Variants in FOXP2 observed in about 807,000 individuals in gnomAD.
FOXP2 encodes the protein forkhead box P2.
FOXP2 carries 12 observed loss-of-function variants against 115.8 expected under a neutral mutation model. The observed-to-expected ratio is 0.10, with a 90% CI of 0.07 to 0.17. FOXP2 has a LOEUF of 0.17. Ranked by LOEUF, FOXP2 falls within the 10% of genes least tolerant of loss-of-function variation. The probability of loss-of-function intolerance (pLI) is 1.00; values close to 1 mark genes in which losing one functional copy is unlikely to be tolerated. For missense variants in FOXP2, 629 were observed against 843.5 expected, an observed-to-expected ratio of 0.75 and a Z score of 3.15; for synonymous variants, 328 against 297.7, an observed-to-expected ratio of 1.10 and a Z score of -1.05.
At chr7:114,301,603 C>T (rs73716390) in intron 2 of FOXP2, among the ~76,000 whole-genome samples, 5,453 of 152,150 alleles carry the variant, frequency 0.036, 274 homozygotes, top group African/African-American at 0.12. Context: ...GTGTTTATCT[C>T]TCTGAAGTTC....
At chr7:114,398,752 A>G (rs114678349) in intron 2 of FOXP2, among the ~76,000 whole-genome samples, 2,016 of 152,330 alleles carry the variant, frequency 0.013, 26 homozygotes, top group African/African-American at 0.033. Context: ...TCCAGGAGTA[A>G]TAGTGTAGGA....
chr7:114,593,439 G>A (rs552614363), intron 3 of FOXP2, among the ~76,000 whole-genome samples: 30 of 151,874 alleles, frequency 2.0e-4, no homozygotes, highest in Admixed American at 6.6e-4. Flanking sequence ...CTATGTGTGG[G>A]CATTTTCATT....
intron 2 of FOXP2, among the ~76,000 whole-genome samples, chr7:114,357,689 CCTAAGGAA>C (rs955515721): frequency 2.0e-5 from 3 of 152,110 alleles, no homozygotes; most frequent in Admixed American, 2.0e-4. Context: ...TGTATGGTAT[CCTAAGGAA>C]TTAGTTGTCA....
intron 2 of FOXP2, among the ~76,000 whole-genome samples, chr7:114,394,351 A>G (rs990701250): frequency 2.6e-5 from 4 of 152,028 alleles, no homozygotes; most frequent in Non-Finnish European, 4.4e-5. Flanking sequence ...ATTATAAAGT[A>G]AATAATTATA....
At position 114,654,007 on chromosome 7, in the gene FOXP2, C is replaced by A. The variant is rs751931499; in HGVS notation, c.1264C>A (p.Pro422Thr). 5 of 1,613,192 alleles carry A rather than the reference C, an allele frequency of 3.1e-6. No individual in the cohort carries two copies. The highest frequency in any genetic ancestry group is 4.2e-6 in the Non-Finnish European group (5 of 1,179,418). Residue 422 changes from proline to threonine, a missense_variant and splice_region_variant, in exon 10 of 17, where the codon CCT becomes ACT. This residue lies in a region of FOXP2 where 101 missense variants were observed against 116.0 expected (regional missense o/e 0.87). Coordinates refer to ENST00000350908, the MANE Select transcript of FOXP2 (RefSeq NM_014491.4). The stretch of plus-strand genomic sequence containing the variant: ...CTCAGAGCCCAAACCATCTCCCAAA[C>A]CTGTAAGTGCATATTGCTTTATAAA... Reference protein sequence around the residue: ...RPSEPKPSPKPLNLVSSVTMS... With the variant: ...RPSEPKPSPKTLNLVSSVTMS...
rs1035782209 is a variant in FOXP2, at chr7:114,690,207, G to T, written c.*281G>T. The T allele has an allele frequency of 4.0e-6, 2 of 494,210 alleles. No homozygotes were observed. The highest frequency in any genetic ancestry group is 7.8e-6 in the Non-Finnish European group (2 of 257,038). 30.6% of individuals were successfully genotyped at this position (494,210 alleles called of 1,614,324 possible). ...AAAAATGAACTGTTCTTTCTATAAT[G>T]GCTTTGCCCATTTAAAAAATGTGGC... On this transcript the variant is annotated 3_prime_UTR_variant, in exon 17 of 17. Coordinates refer to ENST00000350908, the MANE Select transcript of FOXP2 (RefSeq NM_014491.4).
intron 3 of FOXP2, among the ~76,000 whole-genome samples, chr7:114,566,182 T>C (rs939992779): frequency 6.6e-6 from 1 of 152,162 alleles, no homozygotes; most frequent in African/African-American, 2.4e-5. Context: ...CCATTTGTTT[T>C]TGTTATTGTT....
intron 2 of FOXP2, among the ~76,000 whole-genome samples, chr7:114,505,696 C>T (rs1181906258): frequency 1.3e-5 from 2 of 151,504 alleles, no homozygotes; most frequent in African/African-American, 2.4e-5. Flanking sequence ...TTTAAAACCA[C>T]GTCATAGATG....
chr7:114,557,975 A>T (rs1800550932), intron 3 of FOXP2, among the ~76,000 whole-genome samples: 1 of 151,662 alleles, frequency 6.6e-6, no homozygotes, highest in African/African-American at 2.4e-5. Flanking sequence ...CACCTGGCTA[A>T]TTTTTGTATT....
intron 2 of FOXP2, among the ~76,000 whole-genome samples, chr7:114,292,982 C>G (rs567948354): frequency 1.4e-4 from 21 of 152,156 alleles, no homozygotes; most frequent in African/African-American, 5.1e-4. Context: ...CTCGAATAAC[C>G]CTTAAGTTAC....
chr7:114,200,387 C>T (rs536848808), intron 1 of FOXP2, among the ~76,000 whole-genome samples: 93 of 152,186 alleles, frequency 6.1e-4, no homozygotes, highest in African/African-American at 2.1e-3. Context: ...TTATTCTGAA[C>T]CCTGCATCAT....
chr7:114,684,450 T>G (rs1808252654), intron 16 of FOXP2, among the ~76,000 whole-genome samples: 1 of 152,222 alleles, frequency 6.6e-6, no homozygotes, highest in Non-Finnish European at 1.5e-5. Context: ...AAAATAATGC[T>G]TATTGACTTG....
chr7:114,673,014 T>C (rs1339125808), intron 16 of FOXP2, among the ~76,000 whole-genome samples: 2 of 152,168 alleles, frequency 1.3e-5, no homozygotes, highest in Admixed American at 6.6e-5. Context: ...TAAATGTAAT[T>C]ACAGATAAAC....
chr7:114,496,999 T>A (rs897453563), intron 2 of FOXP2, among the ~76,000 whole-genome samples: 2 of 152,184 alleles, frequency 1.3e-5, no homozygotes, highest in East Asian at 1.9e-4. Context: ...CAAAGTTGTA[T>A]ATAGGTAGTA....
chr7:114,477,817 T>C (rs1210033612), intron 2 of FOXP2, among the ~76,000 whole-genome samples: 1 of 151,912 alleles, frequency 6.6e-6, no homozygotes, highest in Non-Finnish European at 1.5e-5. Flanking sequence ...GATAAATGTT[T>C]ATGAGATAAA....
chr7:114,468,849 A>G (rs1219822793), intron 2 of FOXP2, among the ~76,000 whole-genome samples: 3 of 152,172 alleles, frequency 2.0e-5, no homozygotes, highest in Non-Finnish European at 4.4e-5. Context: ...ACAGAATCTG[A>G]CATGTAATAA....
At chr7:114,350,517 C>G (rs1791459276) in intron 2 of FOXP2, among the ~76,000 whole-genome samples, 1 of 152,110 alleles carries the variant, frequency 6.6e-6, no homozygotes, top group African/African-American at 2.4e-5. Flanking sequence ...TTGCAGGGTA[C>G]TGCTAACATC....
chr7:114,413,159 GA>G (rs1010769771), upstream of FOXP2, among the ~76,000 whole-genome samples: 4 of 152,054 alleles, frequency 2.6e-5, no homozygotes, highest in African/African-American at 9.7e-5. Flanking sequence ...TGTGATAATG[GA>G]AACTATCCTT....
chr7:114,637,022 TA>T (rs1301073294), intron 6 of FOXP2, among the ~76,000 whole-genome samples: 1 of 151,930 alleles, frequency 6.6e-6, no homozygotes, highest in Non-Finnish European at 1.5e-5. Flanking sequence ...AAAAATAAAA[TA>T]ATTAGCTGAG....
Sources: gnomAD v4.1 joint callset for allele counts (sites outside exome capture counted in the v4.1 genomes callset) on GRCh38, gnomAD v4.1.1 for gene constraint, gnomAD v4.1.1 regional missense constraint, MANE v1.5 for transcripts, NCBI Gene and HGNC (gene_info 2026-07-23, HGNC 2026-07-21) for gene names.